Variants in DLGAP2 observed in about 807,000 individuals in gnomAD.
The protein encoded by DLGAP2 is disks large-associated protein 2.
DLGAP2 carries 26 observed loss-of-function variants against 100.3 expected under a neutral mutation model. That is an observed-to-expected ratio of 0.26 (90% confidence interval 0.19 to 0.36). The LOEUF (loss-of-function observed/expected upper bound fraction) is 0.36. Among genes scored for constraint, DLGAP2 ranks in the 10% least tolerant of loss-of-function variants. DLGAP2 has a pLI of 1.00. For synonymous variants in DLGAP2, 886 were observed against 630.1 expected, an observed-to-expected ratio of 1.41 and a Z score of -6.08; for missense variants, 1,858 against 1,453.2, an observed-to-expected ratio of 1.28 and a Z score of -4.53.
intron 3 of DLGAP2, among the ~76,000 whole-genome samples, chr8:1,313,605 G>C (rs1800661846): frequency 6.6e-6 from 1 of 152,202 alleles, no homozygotes; most frequent in African/African-American, 2.4e-5. Flanking sequence ...AGGCCATTCA[G>C]TAACAGTCCA....
intron 2 of DLGAP2, among the ~76,000 whole-genome samples, chr8:1,172,411 C>G (rs921216435): frequency 2.6e-4 from 40 of 151,364 alleles, no homozygotes; most frequent in Non-Finnish European, 4.4e-4. Context: ...TCTGTATTTC[C>G]TGAATCTGAA....
intron 6 of DLGAP2, among the ~76,000 whole-genome samples, chr8:1,598,095 G>A (rs1796515100): frequency 6.6e-6 from 1 of 152,122 alleles, no homozygotes; most frequent in Non-Finnish European, 1.5e-5. Flanking sequence ...TTTTATTGCA[G>A]GCCTTCTCTA....
At chr8:1,138,864 G>T (rs577906932) in intron 2 of DLGAP2, among the ~76,000 whole-genome samples, 6 of 151,852 alleles carry the variant, frequency 4.0e-5, no homozygotes, top group African/African-American at 1.5e-4. Context: ...AACTCTTCCT[G>T]TTTATTTACT....
At chr8:1,474,783 C>T (rs555966755) in intron 3 of DLGAP2, among the ~76,000 whole-genome samples, 88 of 152,282 alleles carry the variant, frequency 5.8e-4, no homozygotes, top group African/African-American at 1.9e-3. Flanking sequence ...ACTGCCAGTG[C>T]GAGCGTACAT....
At chr8:887,828 G>C (rs922681556) in intron 1 of DLGAP2, among the ~76,000 whole-genome samples, 3 of 152,110 alleles carry the variant, frequency 2.0e-5, no homozygotes, top group Admixed American at 6.5e-5. Flanking sequence ...TTCAACCTTG[G>C]AGAATCTGAT....
At chr8:1,414,552 C>T (rs978929934) in intron 3 of DLGAP2, among the ~76,000 whole-genome samples, 9 of 152,150 alleles carry the variant, frequency 5.9e-5, no homozygotes, top group African/African-American at 1.4e-4. Flanking sequence ...GGCTGTGGGT[C>T]CCAGTGCAGA....
At chr8:944,615 G>C (rs2129006030) in intron 2 of DLGAP2, among the ~76,000 whole-genome samples, 1 of 152,256 alleles carries the variant, frequency 6.6e-6, no homozygotes, top group East Asian at 1.9e-4. Flanking sequence ...TGATCCATGT[G>C]GGTGATCCAG....
intron 8 of DLGAP2, among the ~76,000 whole-genome samples, chr8:1,639,228 C>T (rs1172564702): frequency 6.6e-6 from 1 of 152,058 alleles, no homozygotes; most frequent in Non-Finnish European, 1.5e-5. Flanking sequence ...AGGCCTGAGA[C>T]CAGAGCCCAC....
intron 2 of DLGAP2, among the ~76,000 whole-genome samples, chr8:1,165,691 G>A (rs1797001521): frequency 1.3e-5 from 2 of 152,020 alleles, no homozygotes; most frequent in Admixed American, 1.3e-4. Flanking sequence ...TACGTTTTTA[G>A]CTCAGTTTGC....
intron 3 of DLGAP2, among the ~76,000 whole-genome samples, chr8:1,481,008 TA>T (rs1246355415): frequency 6.7e-6 from 1 of 150,336 alleles, no homozygotes; most frequent in Non-Finnish European, 1.5e-5. Flanking sequence ...CCATCTCTAC[TA>T]AAAATACAAA....
intron 2 of DLGAP2, among the ~76,000 whole-genome samples, chr8:926,766 C>G (rs953661102): frequency 6.6e-6 from 1 of 152,240 alleles, no homozygotes; most frequent in African/African-American, 2.4e-5. Context: ...GATGAGGGTG[C>G]TGGCACACAG....
intron 8 of DLGAP2, among the ~76,000 whole-genome samples, chr8:1,634,009 T>C (rs998590505): frequency 1.3e-5 from 2 of 152,232 alleles, no homozygotes; most frequent in Non-Finnish European, 2.9e-5. Context: ...ATCCAGGAGA[T>C]TGCACTTTGC....
At chr8:1,452,120 C>T (rs73672708) in intron 3 of DLGAP2, among the ~76,000 whole-genome samples, 3,679 of 152,374 alleles carry the variant, frequency 0.024, 122 homozygotes, top group African/African-American at 0.083. Context: ...ATGCCAGGGC[C>T]GTGTCTTCCA....
In DLGAP2 at chr8:1,130,767, G is replaced by C. The variant is rs78827915; in HGVS notation, c.74-128084G>C. On this transcript the variant is annotated intron_variant, in intron 2 of 14. Coordinates refer to ENST00000637795, the MANE Select transcript of DLGAP2 (RefSeq NM_001346810.2). ...TGATGTTTGGTGCAGTCATCTTTGCGGGAAAATGGAAGTGTGGCACAGCAC... is the reference window on the plus strand; with the variant it reads ...TGATGTTTGGTGCAGTCATCTTTGCCGGAAAATGGAAGTGTGGCACAGCAC... 1.8e-4 allele frequency among the ~76,000 whole-genome samples: 27 copies of C among 152,330 alleles called. 1 individual carries two copies. In the East Asian group the frequency reaches 5.2e-3, roughly 29 times the overall value.
rs895967920 is a variant in DLGAP2 at position 846,308 on chromosome 8, A to C, written c.19-61604A>C. Among the ~76,000 whole-genome samples the C allele has an allele frequency of 1.5e-4, 23 of 151,880 alleles. 1 individual carries two copies. The highest frequency in any genetic ancestry group is 9.7e-4 in the East Asian group (5 of 5,170). On this transcript the variant is annotated intron_variant, in intron 1 of 14. Transcript: ENST00000637795. ...TCTCCTCCTCCCACACTCTTACCCA[A>C]CCTCTGGTAACCACAATTCTACTCT...
At chr8:815,263 T>C (rs577995338) in intron 1 of DLGAP2, among the ~76,000 whole-genome samples, 9 of 152,204 alleles carry the variant, frequency 5.9e-5, no homozygotes, top group Non-Finnish European at 1.0e-4. Flanking sequence ...TAGTGCCCTG[T>C]GTCTGTGTCC....
intron 2 of DLGAP2, among the ~76,000 whole-genome samples, chr8:1,077,192 G>A (rs1050889387): frequency 1.3e-5 from 2 of 152,188 alleles, no homozygotes; most frequent in African/African-American, 4.8e-5. Flanking sequence ...CTTCTGATGA[G>A]GACACCAGTC....
chr8:925,293 T>A (rs1798789756), intron 2 of DLGAP2, among the ~76,000 whole-genome samples: 1 of 152,188 alleles, frequency 6.6e-6, no homozygotes, highest in Admixed American at 6.5e-5. Context: ...TTAATTATAA[T>A]GTTTTTTTTG....
chr8:855,248 C>CT (rs978976595), intron 1 of DLGAP2, among the ~76,000 whole-genome samples: 1 of 152,142 alleles, frequency 6.6e-6, no homozygotes, highest in Non-Finnish European at 1.5e-5. Flanking sequence ...TTTCCTTTCT[C>CT]TTTTTTCAGA....
Sources: allele counts gnomAD v4.1 joint callset (sites outside exome capture counted in the v4.1 genomes callset), GRCh38; gene constraint gnomAD v4.1.1; transcripts MANE v1.5; gene names NCBI Gene and HGNC (gene_info 2026-07-23, HGNC 2026-07-21).